Variants in CARD14 observed in about 807,000 individuals in gnomAD.
CARD14 encodes caspase recruitment domain family member 14, also known as caspase recruitment domain-containing protein 14.
A neutral mutation model predicts 111.5 loss-of-function variants in CARD14; 107 were observed. The ratio of observed to expected loss-of-function variants is 0.96; its 90% CI spans 0.82 to 1.13. CARD14 has a LOEUF of 1.13. CARD14 is among the 50% of genes most tolerant of loss of function. CARD14 has a pLI of 0.00. For synonymous variants in CARD14, 617 were observed against 579.6 expected (o/e 1.06, Z -0.93); for missense variants, 1,322 against 1,362.3 (o/e 0.97, Z 0.47).
chr17:80,176,835 G>T (rs535235224), intron 2 of CARD14, among the ~76,000 whole-genome samples: 1 of 152,320 alleles, frequency 6.6e-6, no homozygotes, highest in African/African-American at 2.4e-5. Context: ...CTCTAGCGAC[G>T]CAGGCTTCTA....
intron 10 of CARD14, 95 bp downstream of exon 10, chr17:80,190,994 T>A: frequency 6.7e-7 from 1 of 1,498,912 alleles, no homozygotes; most frequent in Non-Finnish European, 9.0e-7. Context: ...CTGCCCTTGA[T>A]GGCAGCTGGT....
chr17:80,188,633 A>C lies in CARD14; in HGVS notation c.843+89A>C. 5.4e-6 allele frequency: 7 copies of C among 1,289,358 alleles called. No homozygotes were observed. The highest frequency in any genetic ancestry group is 5.0e-6 in the Non-Finnish European group (5 of 993,548). 79.9% of individuals were successfully genotyped at this position (1,289,358 alleles called of 1,614,324 possible). ...GGGGTTTCTGACAGGTGGTTTAGTT[A>C]AGGTGAGGCTAAGAACAAGAGATGA... On this transcript the variant is annotated intron_variant, in intron 8 of 23. Coordinates refer to ENST00000648509, the MANE Select transcript of CARD14 (RefSeq NM_001366385.1). The surrounding 1 kb of genome is among the most constrained non-coding windows in gnomAD (Gnocchi z 4.5).
At chr17:80,174,923 C>T (rs1034303210) in intron 2 of CARD14, among the ~76,000 whole-genome samples, 5 of 152,126 alleles carry the variant, frequency 3.3e-5, no homozygotes, top group African/African-American at 4.8e-5. Flanking sequence ...CCCAGTGCCC[C>T]TTGGCAGCAC....
At chr17:80,199,453 G>T (rs2040852491) in intron 16 of CARD14, among the ~76,000 whole-genome samples, 1 of 150,184 alleles carries the variant, frequency 6.7e-6, no homozygotes, top group African/African-American at 2.4e-5. Flanking sequence ...AGTGGTACAT[G>T]CCTGTAGTCC....
intron 16 of CARD14, among the ~76,000 whole-genome samples, chr17:80,199,251 G>T (rs1051984626): frequency 5.3e-5 from 8 of 151,888 alleles, no homozygotes; most frequent in Non-Finnish European, 1.5e-5. Context: ...CCAGCAGAAG[G>T]CTGAGGCAGG....
intron 2 of CARD14, among the ~76,000 whole-genome samples, chr17:80,174,357 C>T (rs942587637): frequency 2.6e-5 from 4 of 152,116 alleles, no homozygotes; most frequent in Non-Finnish European, 5.9e-5. Context: ...GGATTACAGG[C>T]ATGTACCACC....
chr17:80,181,346 A>T, intron 4 of CARD14, 73 bp from the exon 5 acceptor site: 1 of 1,152,390 alleles, frequency 8.7e-7, no homozygotes, highest in Non-Finnish European at 1.2e-6. Context: ...AGTTGATTTT[A>T]AAACGGTGTC....
In CARD14 at chr17:80,190,833, A is replaced by C; in HGVS notation, c.1023A>C (p.Gln341His). ...LQFQKSKMACQLYREKVNALQ... is the reference protein window; with the variant it reads ...LQFQKSKMACHLYREKVNALQ... Reference sequence around the variant, plus strand: ...TCCAGAAGAGTAAGATGGCCTGCCAACTCTACAGGGAGAAGGTGAATGCGC... The same window carrying C: ...TCCAGAAGAGTAAGATGGCCTGCCACCTCTACAGGGAGAAGGTGAATGCGC... Residue 341 changes from glutamine (Q) to histidine (H), a missense_variant, in exon 10 of 24, where the codon CAA (glutamine) becomes CAC (histidine). Coordinates refer to ENST00000648509, the MANE Select transcript of CARD14 (RefSeq NM_001366385.1). 1.2e-6 allele frequency: 2 copies of C among 1,613,846 alleles called. No homozygotes were observed. The highest frequency in any genetic ancestry group is 1.7e-6 in the Non-Finnish European group (2 of 1,179,980).
chr17:80,194,428 C>G (rs2040637577), intron 12 of CARD14, among the ~76,000 whole-genome samples: 1 of 152,208 alleles, frequency 6.6e-6, no homozygotes, highest in Non-Finnish European at 1.5e-5. Flanking sequence ...CATCTGGTGG[C>G]CTCAGCGCCT....
chr17:80,203,649 C>T lies in CARD14; in HGVS notation c.2220-173C>T. 1.8e-6 allele frequency: 1 copy of T among 546,002 alleles called. No individual in the cohort carries two copies. Among genetic ancestry groups the T allele is most frequent in the South Asian group, 2.6e-5 (1 of 38,304 alleles). The allele number at this position is 546,002 out of a possible 1,614,324, so 33.8% of individuals were successfully genotyped here. On this transcript the variant is annotated intron_variant, in intron 18 of 23. Transcript: ENST00000648509. The surrounding 1 kb of genome is among the most constrained non-coding windows in gnomAD (Gnocchi z 4.6). The stretch of plus-strand genomic sequence containing the variant: ...GTCTTTTGAAAGCTCTGGAGACTGG[C>T]ATGGCCGCCAGGATGGAGCGCTCCA...
chr17:80,179,669 C>T (rs1038713830), intron 4 of CARD14, among the ~76,000 whole-genome samples: 1 of 152,220 alleles, frequency 6.6e-6, no homozygotes, highest in Middle Eastern at 3.4e-3. Flanking sequence ...TCCATCTCTA[C>T]AAAAATTAAA....
Position 80,187,441 on chromosome 17 carries a change from T to C in CARD14, c.676-936T>C, listed in dbSNP as rs113984646. 2.7e-3 allele frequency among the ~76,000 whole-genome samples: 417 copies of C among 152,360 alleles called. 2 individuals are homozygous for C. Among genetic ancestry groups the C allele is most frequent in the African/African-American group, 9.6e-3 (400 of 41,578 alleles). On this transcript the variant is annotated intron_variant, in intron 7 of 23. Coordinates refer to ENST00000648509, the MANE Select transcript of CARD14 (RefSeq NM_001366385.1). The stretch of plus-strand genomic sequence containing the variant: ...TTGTGGTTATGGCGTCTGTTGGAAA[T>C]AGAATTCGGTTCATTTGTTCTGGTT...
intron 2 of CARD14, among the ~76,000 whole-genome samples, chr17:80,175,850 G>A (rs1303391700): frequency 1.3e-5 from 2 of 151,378 alleles, no homozygotes; most frequent in East Asian, 3.9e-4. Flanking sequence ...GGGCAGAACC[G>A]GGCACTGCAG....
chr17:80,195,268 C>A lies in CARD14; in HGVS notation c.1434C>A (p.Pro478=). 1.9e-6 allele frequency: 3 copies of A among 1,612,962 alleles called. No individual in the cohort carries two copies. The highest frequency in any genetic ancestry group is 2.5e-6 in the Non-Finnish European group (3 of 1,179,944). Residue 478 remains proline (P), a synonymous_variant, in exon 13 of 24, where the codon CCC becomes CCA. Coordinates refer to ENST00000648509, the MANE Select transcript of CARD14 (RefSeq NM_001366385.1). This position sits in a 1 kb window ranked among gnomAD's most constrained non-coding sequence, Gnocchi z 4.7. ...GCTTCCGCTCCAGCAGCCCCGCGCCCCCCAGCCAGCAGTCCCTGTACAAGC... is the reference window on the plus strand; with the variant it reads ...GCTTCCGCTCCAGCAGCCCCGCGCCACCCAGCCAGCAGTCCCTGTACAAGC... ...VDSFRSSSPA[P]PSQQSLYKRV... is the part of the protein sequence containing the mutation.
Position 80,181,497 on chromosome 17 carries a change from G to T in CARD14, c.59G>T (p.Trp20Leu). ...ALTALDEETL[W>L]EMMESHRHRI... is the part of the protein sequence containing the mutation. ...ACGGCACTGGACGAGGAGACACTGT[G>T]GGAGATGATGGAGAGCCACCGCCAC... Residue 20 changes from tryptophan (W) to leucine (L), a missense_variant, in exon 5 of 24, where the codon TGG becomes TTG. Transcript: ENST00000648509. 1 of 1,588,874 alleles carries T rather than the reference G, an allele frequency of 6.3e-7. No individual in the cohort carries two copies. Among genetic ancestry groups the T allele is most frequent in the East Asian group, 2.3e-5 (1 of 43,636 alleles).
chr17:80,195,079 C>T lies in CARD14; in HGVS notation c.1357-112C>T, dbSNP rs2040661063. 1 of 1,380,220 alleles carries T rather than the reference C, an allele frequency of 7.2e-7. No homozygotes were observed. The highest frequency in any genetic ancestry group is 9.8e-7 in the Non-Finnish European group (1 of 1,024,940). The allele number at this position is 1,380,220 out of a possible 1,614,324, so 85.5% of individuals were successfully genotyped here. On this transcript the variant is annotated intron_variant, in intron 12 of 23. Coordinates refer to ENST00000648509, the MANE Select transcript of CARD14 (RefSeq NM_001366385.1). The surrounding 1 kb of genome is among the most constrained non-coding windows in gnomAD (Gnocchi z 4.7). Reference sequence around the variant, plus strand: ...TGTGTGTCCTTCTTTCCCCTCCTGCCTCCTCTCCAGTCAGTTCTCACTGTG... The same window carrying T: ...TGTGTGTCCTTCTTTCCCCTCCTGCTTCCTCTCCAGTCAGTTCTCACTGTG...
Position 80,189,723 on chromosome 17 carries a change from G to A in CARD14, c.844-30G>A, listed in dbSNP as rs1193810442. On this transcript the variant is annotated intron_variant, in intron 8 of 23. Transcript: ENST00000648509. The surrounding 1 kb of genome is among the most constrained non-coding windows in gnomAD (Gnocchi z 4.7). ...CTAGGGCAGGCCTCTGGGGAAGCCA[G>A]CACCCCAGGCTGACCTCTCTCTGCC... 3.4e-5 allele frequency: 52 copies of A among 1,526,246 alleles called. No individual in the cohort carries two copies. Among genetic ancestry groups the A allele is most frequent in the Non-Finnish European group, 4.4e-5 (50 of 1,144,296 alleles). The allele number at this position is 1,526,246 out of a possible 1,614,324, so 94.5% of individuals were successfully genotyped here.
chr17:80,191,374 GAGA>G lies in CARD14; in HGVS notation c.1144_1146del (p.Lys382del). ...GAGGGAGATTTCCCAGAGCCTGGTGGAGAAGGACTCCCTCCGCAGGCAGGTGTT... is the reference window on the plus strand; with the variant it reads ...GAGGGAGATTTCCCAGAGCCTGGTGGAGGACTCCCTCCGCAGGCAGGTGTT... On this transcript the variant is annotated inframe_deletion, in exon 11 of 24. Coordinates refer to ENST00000648509, the MANE Select transcript of CARD14 (RefSeq NM_001366385.1). 6.2e-7 allele frequency: 1 copy of G among 1,613,982 alleles called. No homozygotes were observed. Among genetic ancestry groups the G allele is most frequent in the East Asian group, 2.2e-5 (1 of 44,888 alleles).
intron 7 of CARD14, among the ~76,000 whole-genome samples, chr17:80,187,380 G>A (rs1354159188): frequency 2.0e-5 from 3 of 152,204 alleles, no homozygotes; most frequent in South Asian, 2.1e-4. Flanking sequence ...CTGTATCTTC[G>A]TTCTCTCTGT....
Sources: gnomAD v4.1 joint callset for allele counts (sites outside exome capture counted in the v4.1 genomes callset) on GRCh38, gnomAD v4.1.1 for gene constraint, Gnocchi (gnomAD v3.1) non-coding constraint, MANE v1.5 for transcripts, NCBI Gene and HGNC (gene_info 2026-07-23, HGNC 2026-07-21) for gene names.